The following DHRSX variants were observed in gnomAD, a reference collection of about 807,000 sequenced individuals.
DHRSX encodes the protein dehydrogenase/reductase X-linked.
In DHRSX, 31 loss-of-function variants were observed where a neutral mutation model predicts 34.0. The ratio of observed to expected loss-of-function variants is 0.91; its 90% CI spans 0.69 to 1.23. DHRSX has a LOEUF of 1.23. DHRSX is among the 50% of genes most tolerant of loss of function. The pLI is 0.00. For missense variants in DHRSX, 414 were observed against 428.1 expected, an observed-to-expected ratio of 0.97 and a Z score of 0.29; for synonymous variants, 201 against 183.8, an observed-to-expected ratio of 1.09 and a Z score of -0.76.
chrX:2,398,067 A>G (rs1012439345), intron 3 of DHRSX, among the ~76,000 whole-genome samples: 1 of 152,092 alleles, frequency 6.6e-6, no homozygotes, highest in African/African-American at 2.4e-5. Context: ...GGGTCTGGAG[A>G]AGGATTACAC....
chrX:2,459,245 T>G (rs745341019), intron 1 of DHRSX, among the ~76,000 whole-genome samples: 100 of 152,180 alleles, frequency 6.6e-4, no homozygotes, highest in African/African-American at 2.3e-3. Context: ...ATACATTGCA[T>G]CTTTCAAAAT....
chrX:2,229,958 T>C lies in DHRSX; in HGVS notation c.805-8729A>G, dbSNP rs181125802. Among the ~76,000 whole-genome samples the C allele has an allele frequency of 2.6e-3, 396 of 152,230 alleles. 3 individuals carry two copies. Among genetic ancestry groups the C allele is most frequent in the Middle Eastern group, 0.014 (4 of 292 alleles). On this transcript the variant is annotated intron_variant, in intron 6 of 6. Coordinates refer to ENST00000334651, the MANE Select transcript of DHRSX (RefSeq NM_145177.3). Reference sequence around the variant, plus strand: ...ACATGTGAATATGTGCATGTGTCGATAGGAATATACATTTGCATAAATGTG... The same window carrying C: ...ACATGTGAATATGTGCATGTGTCGACAGGAATATACATTTGCATAAATGTG...
In DHRSX at chrX:2,291,553, C is replaced by A; in HGVS notation, c.337G>T (p.Val113Leu). Residue 113 changes from valine to leucine, a missense_variant, in exon 4 of 7, where the codon GTG becomes TTG. Physicochemically the swap from Val to Leu is conservative, Grantham distance 32. Transcript: ENST00000334651. The part of the protein sequence containing the change: ...LASMTSIRQF[V>L]QKFKMKKIPL... Reference sequence around the variant, plus strand: ...ATCTTCTTCATCTTGAACTTCTGCACAAACTGCCGGATGGAAGTCATGGAA... The same window carrying A: ...ATCTTCTTCATCTTGAACTTCTGCAAAAACTGCCGGATGGAAGTCATGGAA... 6.2e-7 allele frequency: 1 copy of A among 1,613,906 alleles called. No homozygotes were observed. Among genetic ancestry groups the A allele is most frequent in the Non-Finnish European group, 8.5e-7 (1 of 1,179,852 alleles).
At chrX:2,455,861 T>C (rs1342881647) in intron 1 of DHRSX, among the ~76,000 whole-genome samples, 1 of 151,662 alleles carries the variant, frequency 6.6e-6, no homozygotes, top group African/African-American at 2.4e-5. Flanking sequence ...TCTTAGGAAA[T>C]CAGGGATTTC....
chrX:2,377,321 G>A (rs908857593), intron 3 of DHRSX, among the ~76,000 whole-genome samples: 5 of 151,282 alleles, frequency 3.3e-5, no homozygotes, highest in Non-Finnish European at 7.4e-5. Flanking sequence ...CCCCAAACTT[G>A]TTTTCCTGCA....
chrX:2,492,487 C>T (rs2045178248), intron 1 of DHRSX, among the ~76,000 whole-genome samples: 1 of 151,940 alleles, frequency 6.6e-6, no homozygotes, highest in Non-Finnish European at 1.5e-5. Context: ...AAAGATCTGT[C>T]CACAGCCTAA....
chrX:2,245,978 C>A (rs576275962), intron 5 of DHRSX, among the ~76,000 whole-genome samples: 17,349 of 130,392 alleles, frequency 0.13, 1,690 homozygotes, highest in Non-Finnish European at 0.18. Context: ...AACAAAAAAA[C>A]AAAAAAACAC....
At chrX:2,309,668 TGA>T (rs2042140876) in intron 3 of DHRSX, among the ~76,000 whole-genome samples, 2 of 152,150 alleles carry the variant, frequency 1.3e-5, no homozygotes, top group South Asian at 4.1e-4. Flanking sequence ...TGTAGCATTT[TGA>T]GAGGCCGAGG....
intron 1 of DHRSX, among the ~76,000 whole-genome samples, chrX:2,432,195 A>G (rs1400049862): frequency 2.0e-5 from 3 of 151,858 alleles, no homozygotes; most frequent in African/African-American, 7.3e-5. Flanking sequence ...CTCCGTCTCA[A>G]AAAAAAAATT....
intron 3 of DHRSX, among the ~76,000 whole-genome samples, chrX:2,380,571 G>T (rs759600588): frequency 6.6e-6 from 1 of 152,236 alleles, no homozygotes; most frequent in East Asian, 1.9e-4. Flanking sequence ...ATCTCACGTT[G>T]AATTGTAATT....
At chrX:2,293,303 C>A (rs1393599921) in intron 3 of DHRSX, among the ~76,000 whole-genome samples, 1 of 142,718 alleles carries the variant, frequency 7.0e-6, no homozygotes, top group Admixed American at 7.3e-5. Context: ...GGGAGAGGAA[C>A]TAGAAAGAAA....
Position 2,220,900 on chromosome X carries a change from G to A in DHRSX, c.*141C>T. The A allele has an allele frequency of 4.3e-6, 3 of 702,672 alleles. No individual in the cohort carries two copies. The highest frequency in any genetic ancestry group is 7.0e-6 in the Non-Finnish European group (3 of 430,184). 43.5% of individuals were successfully genotyped at this position (702,672 alleles called of 1,614,324 possible). A position where few individuals can be genotyped will look rare whatever the true frequency, so the allele number is the denominator to read the frequency against. On this transcript the variant is annotated 3_prime_UTR_variant, in exon 7 of 7. Coordinates refer to ENST00000334651, the MANE Select transcript of DHRSX (RefSeq NM_145177.3). ...CTTCTTGAAGTTCTGCAGAGGTTGA[G>A]GCAGCTGTCTCAAAACTAGAGGACA...
intron 5 of DHRSX, among the ~76,000 whole-genome samples, chrX:2,260,459 C>CT (rs2041348323): frequency 7.2e-6 from 1 of 138,846 alleles, no homozygotes; most frequent in African/African-American, 3.2e-5. Context: ...TTTTCTACTT[C>CT]ATTTTTTTTT....
At chrX:2,285,183 AC>A (rs1184432421) in intron 4 of DHRSX, among the ~76,000 whole-genome samples, 4 of 152,156 alleles carry the variant, frequency 2.6e-5, no homozygotes, top group African/African-American at 9.7e-5. Flanking sequence ...TTTATTGTAC[AC>A]TTTATTTGTA....
intron 3 of DHRSX, among the ~76,000 whole-genome samples, chrX:2,390,164 A>G (rs1333689101): frequency 8.9e-6 from 1 of 112,572 alleles, no homozygotes; most frequent in Non-Finnish European, 1.7e-5. Flanking sequence ...TTTTTTTTTA[A>G]TGGAGCTTTG....
At chrX:2,270,557 T>A (rs746964849) in intron 4 of DHRSX, among the ~76,000 whole-genome samples, 2 of 151,936 alleles carry the variant, frequency 1.3e-5, no homozygotes, top group South Asian at 2.1e-4. Context: ...GACTCAGCAG[T>A]GGGTCCCGCG....
At chrX:2,431,975 G>A (rs1413957845) in intron 1 of DHRSX, among the ~76,000 whole-genome samples, 3 of 152,046 alleles carry the variant, frequency 2.0e-5, no homozygotes, top group African/African-American at 7.2e-5. Flanking sequence ...GGTGGATCAC[G>A]AGGTCAGGAG....
intron 3 of DHRSX, among the ~76,000 whole-genome samples, chrX:2,405,713 CTT>C (rs2043544967): frequency 6.6e-6 from 1 of 151,986 alleles, no homozygotes; most frequent in East Asian, 1.9e-4. Flanking sequence ...AGGAGAAACA[CTT>C]GGGCCTGGGA....
intron 3 of DHRSX, among the ~76,000 whole-genome samples, chrX:2,357,140 A>C (rs1006041223): frequency 3.1e-4 from 47 of 152,082 alleles, no homozygotes; most frequent in African/African-American, 1.1e-3. Context: ...GCTACTCAGG[A>C]GGCTGAGGCA....
Sources: gnomAD v4.1 joint callset for allele counts (sites outside exome capture counted in the v4.1 genomes callset) on GRCh38, gnomAD v4.1.1 for gene constraint, MANE v1.5 for transcripts, NCBI Gene and HGNC (gene_info 2026-07-23, HGNC 2026-07-21) for gene names.